KIZ: variants seen among roughly 807,000 people sequenced by gnomAD.
KIZ encodes kizuna centrosomal protein.
A neutral mutation model predicts 79.6 loss-of-function variants in KIZ; 68 were observed. That is an observed-to-expected ratio of 0.85 (90% confidence interval 0.70 to 1.05). The LOEUF (loss-of-function observed/expected upper bound fraction) is 1.05, where lower values mean the gene tolerates loss of function less well. KIZ is among the 50% of genes least tolerant of loss of function. The probability of loss-of-function intolerance (pLI) is 0.00; values close to 1 mark genes in which losing one functional copy is unlikely to be tolerated. For synonymous variants in KIZ, 280 were observed against 281.8 expected (o/e 0.99, Z 0.06); for missense variants, 797 against 800.4 (o/e 1.00, Z 0.05).
At chr20:21,215,472 A>G in intron 8 of KIZ, 111 bp from the exon 9 acceptor site, 1 of 532,054 alleles carries the variant, frequency 1.9e-6, no homozygotes, top group Non-Finnish European at 3.4e-6. Flanking sequence ...TCAGACAAGA[A>G]ATACATTAAC....
rs567404062 is a variant in KIZ, at chr20:21,244,267, G to A, written c.1903G>A (p.Val635Met). 37 of 1,603,266 alleles carry A rather than the reference G, an allele frequency of 2.3e-5. No homozygotes were observed. The highest frequency in any genetic ancestry group is 1.8e-4 in the South Asian group (16 of 90,556). Residue 635 changes from valine (V) to methionine (M), a missense_variant, in exon 12 of 13, where the codon GTG becomes ATG. Transcript: ENST00000619189. ...CAGGCATGAAAACAAAAAGAAACCC[G>A]TGATCAATTTAAAATCTAATGGTGA... Reference protein sequence around the residue: ...LSRHENKKKPVINLKSNALWD... With the variant: ...LSRHENKKKPMINLKSNALWD...
intron 6 of KIZ, among the ~76,000 whole-genome samples, chr20:21,165,543 T>G (rs1028858883): frequency 6.6e-6 from 1 of 152,204 alleles, no homozygotes; most frequent in Non-Finnish European, 1.5e-5. Context: ...GTGATGAGGC[T>G]TGATTTAGGA....
At chr20:21,158,833 G>C (rs984113462) in intron 4 of KIZ, 2 of 152,098 alleles carry the variant, frequency 1.3e-5, no homozygotes, top group Admixed American at 1.3e-4. Flanking sequence ...TCACTCTGTA[G>C]CCCAGGCTGG....
Position 21,229,133 on chromosome 20 carries a change from G to A in KIZ, c.1783+18G>A, listed in dbSNP as rs113152412. On this transcript the variant is annotated intron_variant, in intron 10 of 12. Transcript: ENST00000619189. ...CTTGTCAGGTAAGTAAGAGCAGATG[G>A]CAGTGTCCAGGGGCCCAGAGTGGCA... 1.1e-4 allele frequency: 157 copies of A among 1,441,366 alleles called. No homozygotes were observed. The African/African-American group carries it at 1.9e-3, about 17-fold the overall frequency. 89.3% of individuals were successfully genotyped at this position (1,441,366 alleles called of 1,614,324 possible).
At chr20:21,203,558 T>A (rs188656632) in intron 6 of KIZ, among the ~76,000 whole-genome samples, 54 of 152,350 alleles carry the variant, frequency 3.5e-4, no homozygotes, top group Admixed American at 2.8e-3. Context: ...ATTTCCTAGA[T>A]ACATCATTAA....
intron 9 of KIZ, among the ~76,000 whole-genome samples, chr20:21,227,709 G>C (rs2036701959): frequency 6.6e-6 from 1 of 152,110 alleles, no homozygotes; most frequent in African/African-American, 2.4e-5. Context: ...TCCCATTGGA[G>C]CCATCCTAGG....
At chr20:21,219,785 G>A (rs2036440797) in intron 9 of KIZ, among the ~76,000 whole-genome samples, 1 of 152,112 alleles carries the variant, frequency 6.6e-6, no homozygotes, top group Non-Finnish European at 1.5e-5. Context: ...ACCACAAAAC[G>A]GAGGTCTTCT....
At chr20:21,221,039 G>A (rs1354404615) in intron 9 of KIZ, among the ~76,000 whole-genome samples, 1 of 152,146 alleles carries the variant, frequency 6.6e-6, no homozygotes, top group East Asian at 1.9e-4. Flanking sequence ...GCTGCTGGGA[G>A]GTCGGTTTCC....
rs751793679 is a variant in KIZ at position 21,162,247 on chromosome 20, G to A, written c.782G>A (p.Gly261Asp). The change falls in exon 5 of 13, where the codon GGC becomes GAC. Residue 261 changes from glycine (G) to aspartate (D), a missense_variant. Gly to Asp is a moderately conservative substitution (Grantham distance 94, BLOSUM62 -1). Coordinates refer to ENST00000619189, the MANE Select transcript of KIZ (RefSeq NM_018474.6). ...GAGATAGGAAGTAACACACGTCATG[G>A]CAAGAGTAATTTATCTGAAGGCAAA... ...CLEIGSNTRH[G>D]KSNLSEGKKS... 3 of 1,613,960 alleles carry A rather than the reference G, an allele frequency of 1.9e-6. No homozygotes were observed. The highest frequency in any genetic ancestry group is 2.5e-6 in the Non-Finnish European group (3 of 1,179,856).
intron 11 of KIZ, among the ~76,000 whole-genome samples, chr20:21,239,556 C>G (rs1215980840): frequency 2.0e-5 from 3 of 152,192 alleles, no homozygotes; most frequent in Non-Finnish European, 4.4e-5. Context: ...CTTGGGTATT[C>G]TGTGTCTCAT....
At chr20:21,170,427 C>CTCTCTGTT (rs2034152121) in intron 6 of KIZ, among the ~76,000 whole-genome samples, 1 of 148,838 alleles carries the variant, frequency 6.7e-6, no homozygotes, top group Non-Finnish European at 1.5e-5. Flanking sequence ...CTCTCTCTGT[C>CTCTCTGTT]GCCCAGGCTG....
At chr20:21,229,234 C>G in intron 10 of KIZ, 119 bp downstream of exon 10, 1 of 632,392 alleles carries the variant, frequency 1.6e-6, no homozygotes, top group Admixed American at 2.8e-5. Flanking sequence ...GAGCTGTCAC[C>G]AGGACAGAAT....
intron 2 of KIZ, among the ~76,000 whole-genome samples, chr20:21,135,207 G>A (rs2032114807): frequency 2.0e-5 from 3 of 152,192 alleles, no homozygotes; most frequent in Admixed American, 2.0e-4. Flanking sequence ...GGTCAGCTTT[G>A]AAGGTTAATG....
chr20:21,129,062 T>C (rs143369949), intron 1 of KIZ, among the ~76,000 whole-genome samples: 1 of 152,282 alleles, frequency 6.6e-6, no homozygotes, highest in East Asian at 1.9e-4. Context: ...AGATTTAATA[T>C]GTAAGAATTG....
chr20:21,213,209 T>C (rs1458881002), intron 7 of KIZ, among the ~76,000 whole-genome samples: 3 of 152,198 alleles, frequency 2.0e-5, no homozygotes, highest in Non-Finnish European at 4.4e-5. Context: ...GCGTCTGAAA[T>C]GCCAAACATG....
rs77540065 is a variant in KIZ, at chr20:21,184,625, C to G, written c.1353-20866C>G. 9.6e-3 allele frequency among the ~76,000 whole-genome samples: 1,469 copies of G among 152,248 alleles called. 26 individuals are homozygous for G. Among genetic ancestry groups the G allele is most frequent in the African/African-American group, 0.034 (1,401 of 41,528 alleles). ...AAGTTTGTTTTAAGGTGGGATTTGA[C>G]AAAGAACCTTCAAGCTTGATAACTG... On this transcript the variant is annotated intron_variant, in intron 6 of 12. Coordinates refer to ENST00000619189, the MANE Select transcript of KIZ (RefSeq NM_018474.6).
At chr20:21,221,676 C>T (rs1170692285) in intron 9 of KIZ, among the ~76,000 whole-genome samples, 1 of 152,134 alleles carries the variant, frequency 6.6e-6, no homozygotes, top group African/African-American at 2.4e-5. Context: ...TAGAGTCTTT[C>T]CAGGAGGTCA....
intron 10 of KIZ, among the ~76,000 whole-genome samples, chr20:21,230,433 C>G (rs1431716154): frequency 6.6e-6 from 1 of 152,162 alleles, no homozygotes; most frequent in African/African-American, 2.4e-5. Context: ...TATGATCACA[C>G]CACTGCACTG....
chr20:21,224,693 T>C (rs889053275), intron 9 of KIZ, among the ~76,000 whole-genome samples: 2 of 152,202 alleles, frequency 1.3e-5, no homozygotes, highest in African/African-American at 4.8e-5. Context: ...GCAAAAGCAA[T>C]GGGCAGATTC....
Sources: gnomAD v4.1 joint callset for allele counts (sites outside exome capture counted in the v4.1 genomes callset) on GRCh38, gnomAD v4.1.1 for gene constraint, MANE v1.5 for transcripts, NCBI Gene and HGNC (gene_info 2026-07-23, HGNC 2026-07-21) for gene names.